GSE1: variants seen among roughly 807,000 people sequenced by gnomAD.
GSE1 encodes the protein genetic suppressor element 1.
A neutral mutation model predicts 112.6 loss-of-function variants in GSE1; 32 were observed. That is an observed-to-expected ratio of 0.28 (90% CI 0.21 to 0.38). The LOEUF (loss-of-function observed/expected upper bound fraction) is 0.38. Ranked by LOEUF, GSE1 falls within the 10% of genes least tolerant of loss-of-function variation. The pLI, the probability that GSE1 is intolerant of heterozygous loss-of-function variation, is 1.00. For missense variants in GSE1, 2,348 were observed against 1,699.2 expected (o/e 1.38, Z -6.71); for synonymous variants, 1,115 against 735.6 (o/e 1.52, Z -8.35).
intron 1 of GSE1, among the ~76,000 whole-genome samples, chr16:85,182,568 A>C (rs147312455): frequency 1.3e-5 from 2 of 152,172 alleles, no homozygotes; most frequent in Non-Finnish European, 2.9e-5. Flanking sequence ...CTGAGCGCCC[A>C]GGGGTGTGAC....
At chr16:85,197,657 T>G (rs978677721) in intron 1 of GSE1, among the ~76,000 whole-genome samples, 1 of 152,184 alleles carries the variant, frequency 6.6e-6, no homozygotes, top group Non-Finnish European at 1.5e-5. Context: ...GCTAGGAAGC[T>G]TGGCAGCTCC....
intron 2 of GSE1, among the ~76,000 whole-genome samples, chr16:85,456,301 GGA>G (rs934103867): frequency 6.6e-6 from 1 of 152,128 alleles, no homozygotes; most frequent in Non-Finnish European, 1.5e-5. Context: ...AGGCAAAGTG[GGA>G]GAGAGAGAGG....
At chr16:85,398,894 G>C (rs1048380545) in intron 2 of GSE1, among the ~76,000 whole-genome samples, 1 of 152,114 alleles carries the variant, frequency 6.6e-6, no homozygotes, top group African/African-American at 2.4e-5. Context: ...TGTGTGGTAT[G>C]TTTGTGTAGA....
At chr16:85,504,824 G>A (rs1265740216) in intron 2 of GSE1, among the ~76,000 whole-genome samples, 1 of 152,190 alleles carries the variant, frequency 6.6e-6, no homozygotes, top group Non-Finnish European at 1.5e-5. Context: ...GATGGGGGGT[G>A]CTCCAGGCCG....
intron 1 of GSE1, among the ~76,000 whole-genome samples, chr16:85,630,172 C>T (rs578216273): frequency 5.3e-5 from 8 of 152,314 alleles, no homozygotes; most frequent in East Asian, 1.9e-4. Flanking sequence ...CAGCTGACCC[C>T]CCTCCACTGG....
At chr16:85,445,351 G>A (rs1345502943) in intron 2 of GSE1, among the ~76,000 whole-genome samples, 1 of 152,234 alleles carries the variant, frequency 6.6e-6, no homozygotes, top group African/African-American at 2.4e-5. Context: ...TGCAAAGGAG[G>A]CAGACCGTGA....
chr16:85,222,231 C>G (rs936278075), intron 1 of GSE1, among the ~76,000 whole-genome samples: 3 of 152,240 alleles, frequency 2.0e-5, no homozygotes, highest in Non-Finnish European at 4.4e-5. Context: ...GAACTCTGCC[C>G]TGAGCGGGGC....
intron 1 of GSE1, among the ~76,000 whole-genome samples, chr16:85,196,056 CAT>C (rs537411438): frequency 5.3e-4 from 80 of 152,326 alleles, no homozygotes; most frequent in Admixed American, 8.5e-4. Flanking sequence ...TGCTGCAAAA[CAT>C]GTGAGTATTC....
chr16:85,638,133 C>G (rs1408307781), intron 2 of GSE1, among the ~76,000 whole-genome samples: 1 of 152,238 alleles, frequency 6.6e-6, no homozygotes, highest in Non-Finnish European at 1.5e-5. Context: ...GGAAGTGCCT[C>G]TCGGTTTTCG....
chr16:85,325,421 T>C (rs2046205650), intron 1 of GSE1, among the ~76,000 whole-genome samples: 1 of 151,942 alleles, frequency 6.6e-6, no homozygotes, highest in African/African-American at 2.4e-5. Flanking sequence ...TTGAGTCCTG[T>C]GATCTGATAA....
At chr16:85,261,722 G>A (rs1447936459) in intron 1 of GSE1, among the ~76,000 whole-genome samples, 4 of 152,190 alleles carry the variant, frequency 2.6e-5, no homozygotes, top group Non-Finnish European at 4.4e-5. Flanking sequence ...ATCATCCCAC[G>A]GTGGATGGCT....
chr16:85,362,874 C>T (rs1426624602), intron 2 of GSE1, among the ~76,000 whole-genome samples: 2 of 129,562 alleles, frequency 1.5e-5, no homozygotes, highest in East Asian at 2.3e-4. Flanking sequence ...CTCACTCTGT[C>T]GCCCAAGCTG....
At chr16:85,191,669 C>G (rs1346673891) in intron 1 of GSE1, among the ~76,000 whole-genome samples, 1 of 152,186 alleles carries the variant, frequency 6.6e-6, no homozygotes, top group East Asian at 1.9e-4. Context: ...GCATGAACAT[C>G]CCCCGGTGTT....
chr16:85,440,372 G>T (rs998737688), intron 2 of GSE1, among the ~76,000 whole-genome samples: 3 of 152,212 alleles, frequency 2.0e-5, no homozygotes, highest in African/African-American at 7.2e-5. Flanking sequence ...CCTTTCCACT[G>T]CCCAGAGATA....
At chr16:85,607,723 C>A (rs367710920), upstream of GSE1, among the ~76,000 whole-genome samples, 20 of 152,220 alleles carry the variant, frequency 1.3e-4, no homozygotes, top group African/African-American at 4.8e-4. Flanking sequence ...GAGGCGGGCG[C>A]TGCTTTCCCC....
intron 2 of GSE1, among the ~76,000 whole-genome samples, chr16:85,375,129 G>C (rs2047390963): frequency 6.6e-6 from 1 of 152,190 alleles, no homozygotes; most frequent in Non-Finnish European, 1.5e-5. Context: ...GTAGGATAGA[G>C]TGAGTTGGGG....
chr16:85,554,784 A>AGGGAGGGAGGAC, upstream of GSE1: 5 of 455,224 alleles, frequency 1.1e-5, no homozygotes, highest in Non-Finnish European at 1.2e-5. Context: ...GTGGGGGGGG[A>AGGGAGGGAGGAC]GGGAGGGAGG....
intron 2 of GSE1, among the ~76,000 whole-genome samples, chr16:85,470,527 G>A (rs967744314): frequency 6.6e-6 from 1 of 152,342 alleles, no homozygotes; most frequent in African/African-American, 2.4e-5. Context: ...GGTGCCCCTT[G>A]TTGGGGTGCT....
At chr16:85,628,199 T>C (rs925510717) in intron 1 of GSE1, among the ~76,000 whole-genome samples, 1 of 152,252 alleles carries the variant, frequency 6.6e-6, no homozygotes. Flanking sequence ...GCACACATAC[T>C]GAGGAGCAGC....
Sources: allele counts gnomAD v4.1 joint callset (sites outside exome capture counted in the v4.1 genomes callset), GRCh38; gene constraint gnomAD v4.1.1; transcripts MANE v1.5; gene names NCBI Gene and HGNC (gene_info 2026-07-23, HGNC 2026-07-21).